Variants in HBS1L observed in about 807,000 individuals in gnomAD.
HBS1L encodes HBS1-like protein.
Under a neutral mutation model 88.9 loss-of-function variants are expected in HBS1L, and 55 were observed. The observed-to-expected ratio is 0.62, with a 90% CI of 0.50 to 0.77. HBS1L has a LOEUF of 0.77. Ranked by LOEUF, HBS1L falls within the 30% of genes least tolerant of loss-of-function variation. The probability of loss-of-function intolerance (pLI) is 0.00; values close to 1 mark genes in which losing one functional copy is unlikely to be tolerated. For synonymous variants in HBS1L, 267 were observed against 288.5 expected, an observed-to-expected ratio of 0.93 and a Z score of 0.76; for missense variants, 741 against 829.3, an observed-to-expected ratio of 0.89 and a Z score of 1.31.
intron 2 of HBS1L, among the ~76,000 whole-genome samples, chr6:135,049,017 A>T (rs1373645079): frequency 6.6e-6 from 1 of 152,120 alleles, no homozygotes; most frequent in Non-Finnish European, 1.5e-5. Context: ...TGCAGAGGCT[A>T]AAAATAGGAT....
In HBS1L at chr6:134,969,312, A is replaced by G. The variant is rs1223136590; in HGVS notation, c.1824T>C (p.Ser608=). 2 of 1,613,224 alleles carry G rather than the reference A, an allele frequency of 1.2e-6. No individual in the cohort carries two copies. The highest frequency in any genetic ancestry group is 1.1e-5 in the South Asian group (1 of 91,030). The change falls in exon 16 of 18, where the codon AGT becomes AGC. Residue 608 remains serine, a synonymous_variant. Coordinates refer to ENST00000367837, the MANE Select transcript of HBS1L (RefSeq NM_006620.4). ...FPVLLHYQTV[S]EPAVIKRLIS... The stretch of plus-strand genomic sequence containing the variant: ...TCAATCGTTTAATAACGGCGGGTTC[A>G]CTGACAGTTTGGTAGTGTAACAGCA...
At chr6:135,049,987 A>G (rs1002911986) in intron 2 of HBS1L, among the ~76,000 whole-genome samples, 1 of 152,274 alleles carries the variant, frequency 6.6e-6, no homozygotes, top group Non-Finnish European at 1.5e-5. Context: ...TTAATGACTC[A>G]GCCTTTGCTG....
At chr6:135,040,614 T>G (rs1241851529) in intron 3 of HBS1L, among the ~76,000 whole-genome samples, 1 of 152,070 alleles carries the variant, frequency 6.6e-6, no homozygotes, top group African/African-American at 2.4e-5. Flanking sequence ...CCTGCCAAAG[T>G]GCTGGGATTA....
intron 4 of HBS1L, among the ~76,000 whole-genome samples, chr6:135,021,145 A>G (rs949797513): frequency 3.3e-5 from 5 of 152,040 alleles, no homozygotes; most frequent in Non-Finnish European, 5.9e-5. Flanking sequence ...GGATAAAAAT[A>G]ATCCCTATTC....
intron 12 of HBS1L, among the ~76,000 whole-genome samples, chr6:134,984,639 C>A (rs1315517270): frequency 1.3e-5 from 2 of 152,014 alleles, no homozygotes; most frequent in East Asian, 3.9e-4. Context: ...ATCTTATATC[C>A]TTTTATTTAT....
At chr6:134,981,008 T>G (rs1465677119) in intron 13 of HBS1L, among the ~76,000 whole-genome samples, 1 of 151,828 alleles carries the variant, frequency 6.6e-6, no homozygotes, top group African/African-American at 2.4e-5. Context: ...TGATAAGACT[T>G]ACACTGATAA....
At chr6:134,979,445 C>A in intron 13 of HBS1L, 177 bp from the exon 14 acceptor site, 1 of 563,552 alleles carries the variant, frequency 1.8e-6, no homozygotes. Context: ...TCCTCTAGAA[C>A]TGACTCTTCT....
chr6:135,029,514 A>T (rs564349304), intron 4 of HBS1L, among the ~76,000 whole-genome samples: 1 of 152,056 alleles, frequency 6.6e-6, no homozygotes, highest in Non-Finnish European at 1.5e-5. Context: ...AAATGAAAAA[A>T]CATTTTCCAA....
At chr6:134,968,764 A>C (rs970747543) in intron 16 of HBS1L, among the ~76,000 whole-genome samples, 2 of 148,348 alleles carry the variant, frequency 1.3e-5, no homozygotes, top group African/African-American at 2.5e-5. Context: ...AAAAAAAAAA[A>C]AAACAAACTT....
intron 2 of HBS1L, among the ~76,000 whole-genome samples, chr6:135,046,628 A>G (rs1320352373): frequency 6.6e-6 from 1 of 152,192 alleles, no homozygotes; most frequent in East Asian, 1.9e-4. Context: ...GAAGGCCGAC[A>G]CAGGAGGATC....
At position 134,961,375 on chromosome 6, in the gene HBS1L, G is replaced by A. The variant is rs1774185032; in HGVS notation, c.*3904C>T. On this transcript the variant is annotated 3_prime_UTR_variant, in exon 18 of 18. Transcript: ENST00000367837. ...GTACATACTTAAATGGTTTCAGTGT[G>A]AAAAAGCAGCTTCTGACCTAGCATT... 6.6e-6 allele frequency: 1 copy of A among 152,140 alleles called. No individual in the cohort carries two copies. Among genetic ancestry groups the A allele is most frequent in the South Asian group, 2.1e-4 (1 of 4,826 alleles). The allele number at this position is 152,140 out of a possible 1,614,324, so 9.4% of individuals were successfully genotyped here.
At chr6:135,034,338 T>C (rs989930181) in intron 4 of HBS1L, among the ~76,000 whole-genome samples, 1 of 152,228 alleles carries the variant, frequency 6.6e-6, no homozygotes, top group Non-Finnish European at 1.5e-5. Context: ...ACCAGCCTTT[T>C]CATTTTCATT....
intron 1 of HBS1L, among the ~76,000 whole-genome samples, chr6:135,054,386 A>C (rs146199395): frequency 5.3e-5 from 8 of 152,352 alleles, no homozygotes; most frequent in African/African-American, 1.9e-4. Context: ...ACCGGATCTC[A>C]ACCTCACCAA....
At chr6:135,002,096 T>C (rs2114814874) in intron 5 of HBS1L, among the ~76,000 whole-genome samples, 1 of 150,512 alleles carries the variant, frequency 6.6e-6, no homozygotes, top group East Asian at 2.0e-4. Context: ...AATTTTAGAG[T>C]TTAAAAATTA....
In HBS1L at chr6:134,982,639, C is replaced by A. The variant is rs557432111; in HGVS notation, c.1493-77G>T. 1.3e-4 allele frequency: 93 copies of A among 695,586 alleles called. No homozygotes were observed. The Middle Eastern group carries it at 3.5e-3, about 26-fold the overall frequency. The allele number at this position is 695,586 out of a possible 1,614,324, so 43.1% of individuals were successfully genotyped here. The stretch of plus-strand genomic sequence containing the variant: ...TTAATACCGTTAACTATACTTAGTT[C>A]TCAAGTAGTCATATAAAACTAGTAG... On this transcript the variant is annotated intron_variant, in intron 12 of 17. Coordinates refer to ENST00000367837, the MANE Select transcript of HBS1L (RefSeq NM_006620.4).
intron 4 of HBS1L, among the ~76,000 whole-genome samples, chr6:135,027,968 T>C (rs150995695): frequency 6.6e-6 from 1 of 152,140 alleles, no homozygotes; most frequent in African/African-American, 2.4e-5. Flanking sequence ...GGTTTCACTA[T>C]GTTGCCCAGG....
rs150333961 is a variant in HBS1L at position 134,963,872 on chromosome 6, T to A, written c.*1407A>T. On this transcript the variant is annotated 3_prime_UTR_variant, in exon 18 of 18. Coordinates refer to ENST00000367837, the MANE Select transcript of HBS1L (RefSeq NM_006620.4). ...TTCTCAGTTATGTCATTCAAAAATT[T>A]TTCTTTCTGCTTCAGTCACTTGAAG... The A allele has an allele frequency of 6.6e-6, 1 of 152,178 alleles. No individual in the cohort carries two copies. Among genetic ancestry groups the A allele is most frequent in the Non-Finnish European group, 1.5e-5 (1 of 67,992 alleles). 9.4% of individuals were successfully genotyped at this position (152,178 alleles called of 1,614,324 possible).
At chr6:135,011,280 C>T (rs962225804) in intron 4 of HBS1L, among the ~76,000 whole-genome samples, 3 of 152,162 alleles carry the variant, frequency 2.0e-5, no homozygotes, top group Admixed American at 2.0e-4. Context: ...TTTGGGAGGC[C>T]AAGGTGGGAG....
chr6:135,019,138 C>T (rs1776003184), intron 4 of HBS1L, among the ~76,000 whole-genome samples: 1 of 151,892 alleles, frequency 6.6e-6, no homozygotes. Context: ...TATAACCCTA[C>T]TTTTGCAAAT....
Sources: allele counts gnomAD v4.1 joint callset (sites outside exome capture counted in the v4.1 genomes callset), GRCh38; gene constraint gnomAD v4.1.1; transcripts MANE v1.5; gene names NCBI Gene and HGNC (gene_info 2026-07-23, HGNC 2026-07-21).